Variants in GPR139 observed in about 807,000 individuals in gnomAD.
The protein encoded by GPR139 is G protein-coupled receptor 139, also known as probable G protein-coupled receptor 139.
In GPR139, 12 loss-of-function variants were observed where a neutral mutation model predicts 25.8. That is an observed-to-expected ratio of 0.47 (90% CI 0.30 to 0.75). The LOEUF (loss-of-function observed/expected upper bound fraction) is 0.75, where lower values mean the gene tolerates loss of function less well. Among genes scored for constraint, GPR139 ranks in the 30% least tolerant of loss-of-function variants. GPR139 has a pLI of 0.07. For synonymous variants in GPR139, 184 were observed against 179.9 expected (o/e 1.02, Z -0.18); for missense variants, 380 against 450.2 (o/e 0.84, Z 1.41).
intron 1 of GPR139, among the ~76,000 whole-genome samples, chr16:20,072,414 A>G (rs992724926): frequency 1.3e-5 from 2 of 152,192 alleles, no homozygotes; most frequent in Non-Finnish European, 2.9e-5. Context: ...TTCGCAGACT[A>G]AGAGATGACT....
chr16:20,049,376 A>T (rs1179115730), intron 1 of GPR139, among the ~76,000 whole-genome samples: 1 of 152,108 alleles, frequency 6.6e-6, no homozygotes, highest in Admixed American at 6.5e-5. Context: ...TCCAGTGTCT[A>T]TGTAGCTTCT....
chr16:20,059,584 G>A (rs923940905), intron 1 of GPR139, among the ~76,000 whole-genome samples: 3 of 152,166 alleles, frequency 2.0e-5, no homozygotes, highest in African/African-American at 7.2e-5. Flanking sequence ...GGTCTCCATG[G>A]CACATGTCAG....
rs1313086366 is a variant in GPR139, at chr16:20,030,595, GCACCC to G, written c.*1135_*1139del. Among the ~76,000 whole-genome samples, 1 of 1,424 alleles carries G rather than the reference GCACCC, an allele frequency of 7.0e-4. No homozygotes were observed. The highest frequency in any genetic ancestry group is 7.2e-3 in the Non-Finnish European group (1 of 138). The allele number at this position is 1,424 out of a possible 152,430, so 0.9% of individuals were successfully genotyped here. On this transcript the variant is annotated 3_prime_UTR_variant, in exon 2 of 2. Coordinates refer to ENST00000570682, the MANE Select transcript of GPR139 (RefSeq NM_001002911.4). ...GGTTAAATAGCTTTACCAAGAACTG[GCACCC>G]CCTTTTGAGCCATGTGCGTCAAAGG...
In GPR139 at chr16:20,073,086, A is replaced by G. The variant is rs945832213; in HGVS notation, c.127+404T>C. 1.3e-5 allele frequency among the ~76,000 whole-genome samples: 2 copies of G among 152,138 alleles called. No homozygotes were observed. Among genetic ancestry groups the G allele is most frequent in the Non-Finnish European group, 2.9e-5 (2 of 68,032 alleles). On this transcript the variant is annotated intron_variant, in intron 1 of 1. Transcript: ENST00000570682. This position sits in a 1 kb window ranked among gnomAD's most constrained non-coding sequence, Gnocchi z 4.7. ...GTGGACGTGCAGGGGCCACGGGAGA[A>G]GGGAAGCCTCCACGAAGCCTTCTGT...
At chr16:20,041,078 C>G (rs1012205568) in intron 1 of GPR139, among the ~76,000 whole-genome samples, 1 of 144,622 alleles carries the variant, frequency 6.9e-6, no homozygotes, top group East Asian at 2.1e-4. Flanking sequence ...CCACTGCACT[C>G]CAGCCTGGGC....
intron 1 of GPR139, among the ~76,000 whole-genome samples, chr16:20,072,043 G>T (rs2057461406): frequency 6.6e-6 from 1 of 152,122 alleles, no homozygotes; most frequent in Non-Finnish European, 1.5e-5. Flanking sequence ...CAGTGCTCTG[G>T]GGAGAGAAGC....
rs1162671641 is a variant in GPR139, at chr16:20,028,397, A to G, written c.*3338T>C. The stretch of plus-strand genomic sequence containing the variant: ...TGCTTGAACATAGATGCAAATACCA[A>G]ACACCAAGTGTGCACCATATTAGAA... On this transcript the variant is annotated 3_prime_UTR_variant, in exon 2 of 2. Coordinates refer to ENST00000570682, the MANE Select transcript of GPR139 (RefSeq NM_001002911.4). Among the ~76,000 whole-genome samples the G allele has an allele frequency of 1.3e-5, 2 of 152,212 alleles. No homozygotes were observed. Among genetic ancestry groups the G allele is most frequent in the African/African-American group, 2.4e-5 (1 of 41,466 alleles).
intron 1 of GPR139, among the ~76,000 whole-genome samples, chr16:20,046,063 C>T (rs567659694): frequency 1.2e-4 from 18 of 152,250 alleles, no homozygotes; most frequent in Admixed American, 8.5e-4. Context: ...ACATCTTGTG[C>T]CAAGCATCAT....
rs2057294069 is a variant in GPR139, at chr16:20,032,452, G to A, written c.345C>T (p.Ser115=). 5 of 1,614,106 alleles carry A rather than the reference G, an allele frequency of 3.1e-6. No individual in the cohort carries two copies. Among genetic ancestry groups the A allele is most frequent in the Non-Finnish European group, 4.2e-6 (5 of 1,179,954 alleles). Residue 115 remains serine, a synonymous_variant, in exon 2 of 2, where the codon TCC becomes TCT. Transcript: ENST00000570682. ...TGGTTAACGGTACAGTAATCCATAT[G>A]GAGGTGTGGATGGATGAGAATTCCA... ...EVLEFSSIHT[S]IWITVPLTID...
rs775031972 is a variant in GPR139 at position 20,032,608 on chromosome 16, G to A, written c.189C>T (p.Tyr63=). The change falls in exon 2 of 2, where the codon TAC becomes TAT. Residue 63 remains tyrosine, a synonymous_variant. Coordinates refer to ENST00000570682, the MANE Select transcript of GPR139 (RefSeq NM_001002911.4). ...QLVARRQKSS[Y]NYLLALAAAD... is the part of the protein sequence containing the mutation. The stretch of plus-strand genomic sequence containing the variant: ...CAGCAGCGAGTGCCAAGAGATAGTT[G>A]TAGGAGGACTTCTGTCTTCTTGCCA... 1.2e-6 allele frequency: 2 copies of A among 1,613,310 alleles called. No homozygotes were observed. Among genetic ancestry groups the A allele is most frequent in the Non-Finnish European group, 1.7e-6 (2 of 1,179,274 alleles).
Position 20,073,309 on chromosome 16 carries a change from C to T in GPR139, c.127+181G>A, listed in dbSNP as rs2057467101. The stretch of plus-strand genomic sequence containing the variant: ...GCGCGCGCACACACACACACACGGT[C>T]CCCAGCTAGGGCACAGCAACTTCCT... On this transcript the variant is annotated intron_variant, in intron 1 of 1. Transcript: ENST00000570682. The surrounding 1 kb of genome is among the most constrained non-coding windows in gnomAD (Gnocchi z 4.7). Among the ~76,000 whole-genome samples the T allele has an allele frequency of 1.3e-5, 2 of 151,540 alleles. No homozygotes were observed. The highest frequency in any genetic ancestry group is 4.8e-5 in the African/African-American group (2 of 41,334).
chr16:20,046,985 C>A (rs1198703513), intron 1 of GPR139, among the ~76,000 whole-genome samples: 2 of 152,108 alleles, frequency 1.3e-5, no homozygotes, highest in East Asian at 3.9e-4. Context: ...GCAGGAGGAT[C>A]ACTTTAGCTC....
intron 1 of GPR139, among the ~76,000 whole-genome samples, chr16:20,069,104 C>T (rs573851598): frequency 1.1e-4 from 16 of 152,010 alleles, no homozygotes; most frequent in East Asian, 3.9e-4. Context: ...TGTCTTTGTC[C>T]GGTTTTGATA....
At chr16:20,043,160 A>G (rs553945759) in intron 1 of GPR139, among the ~76,000 whole-genome samples, 7 of 152,232 alleles carry the variant, frequency 4.6e-5, no homozygotes, top group Non-Finnish European at 1.0e-4. Flanking sequence ...CAATGGAGAA[A>G]GGTGAGTCAG....
At chr16:20,065,566 G>A (rs1006913925) in intron 1 of GPR139, among the ~76,000 whole-genome samples, 131 of 152,090 alleles carry the variant, frequency 8.6e-4, no homozygotes, top group African/African-American at 2.9e-3. Flanking sequence ...TCAAAGAATC[G>A]TCAAAGAATC....
rs59809855 is a variant in GPR139 at position 20,029,484 on chromosome 16, AATAT to A, written c.*2247_*2250del. Among the ~76,000 whole-genome samples, 2,254 of 144,046 alleles carry A rather than the reference AATAT, an allele frequency of 0.016. 69 individuals are homozygous for A. Among genetic ancestry groups the A allele is most frequent in the African/African-American group, 0.053 (2,102 of 39,920 alleles). The allele number at this position is 144,046 out of a possible 152,430, so 94.5% of individuals were successfully genotyped here. A position where few individuals can be genotyped will look rare whatever the true frequency, so the allele number is the denominator to read the frequency against. On this transcript the variant is annotated 3_prime_UTR_variant, in exon 2 of 2. Coordinates refer to ENST00000570682, the MANE Select transcript of GPR139 (RefSeq NM_001002911.4). ...TACATGTTTAAAAAATAAATAAATA[AATAT>A]ATATATATATATATATTCAGTATAG...
chr16:20,038,163 CA>C (rs774866228), intron 1 of GPR139, among the ~76,000 whole-genome samples: 2 of 152,050 alleles, frequency 1.3e-5, no homozygotes, highest in Non-Finnish European at 2.9e-5. Context: ...TGCTCAGCCA[CA>C]ACCTCTTTTT....
intron 1 of GPR139, among the ~76,000 whole-genome samples, chr16:20,062,939 A>T (rs2057419063): frequency 6.6e-6 from 1 of 152,182 alleles, no homozygotes; most frequent in African/African-American, 2.4e-5. Flanking sequence ...ACAAATTTTC[A>T]TCGGAAGTCT....
chr16:20,032,321 G>A lies in GPR139; in HGVS notation c.476C>T (p.Thr159Ile). The A allele has an allele frequency of 6.2e-7, 1 of 1,614,214 alleles. No individual in the cohort carries two copies. The highest frequency in any genetic ancestry group is 1.3e-5 in the African/African-American group (1 of 75,052). The change falls in exon 2 of 2, where the codon ACC becomes ATC. Residue 159 changes from threonine to isoleucine, a missense_variant. By Grantham distance (89) the Thr-to-Ile change is moderately conservative. Coordinates refer to ENST00000570682, the MANE Select transcript of GPR139 (RefSeq NM_001002911.4). ...GGGCCACCAGTAATAGGGGATGCTG[G>A]TCAGGAAGCAGGTGATGTAAACACT... Reference protein sequence around the residue: ...IVSVYITCFLTSIPYYWWPNI... With the variant: ...IVSVYITCFLISIPYYWWPNI...
Sources: gnomAD v4.1 joint callset for allele counts (sites outside exome capture counted in the v4.1 genomes callset) on GRCh38, gnomAD v4.1.1 for gene constraint, Gnocchi (gnomAD v3.1) non-coding constraint, MANE v1.5 for transcripts, NCBI Gene and HGNC (gene_info 2026-07-23, HGNC 2026-07-21) for gene names.